Variants in NFILZ observed in about 807,000 individuals in gnomAD.
The protein encoded by NFILZ is NFIL3 like protein.
rs2043140909 is a variant in NFILZ at position 8,680,372 on chromosome 19, G to A, written c.*2737G>A. Among the ~76,000 whole-genome samples, 1 of 151,048 alleles carries A rather than the reference G, an allele frequency of 6.6e-6. No individual in the cohort carries two copies. The highest frequency in any genetic ancestry group is 6.6e-5 in the Admixed American group (1 of 15,166). On this transcript the variant is annotated 3_prime_UTR_variant, in exon 6 of 6. Transcript: ENST00000691075. ...ATTTAGCAAATTTTCTTGATCATAAGTTTCTCATTGTTTCATTTTATTCAA... is the reference window on the plus strand; with the variant it reads ...ATTTAGCAAATTTTCTTGATCATAAATTTCTCATTGTTTCATTTTATTCAA...
At chr19:8,645,584 A>G (rs543855644) in intron 3 of NFILZ, among the ~76,000 whole-genome samples, 6 of 152,314 alleles carry the variant, frequency 3.9e-5, no homozygotes, top group Admixed American at 3.3e-4. Flanking sequence ...AATGAGAGGC[A>G]AGGACATTTG....
At chr19:8,651,829 G>T (rs1333741998) in intron 3 of NFILZ, among the ~76,000 whole-genome samples, 1 of 152,036 alleles carries the variant, frequency 6.6e-6, no homozygotes, top group Admixed American at 6.6e-5. Flanking sequence ...CACTGTGCCC[G>T]GCCTCTAACT....
chr19:8,660,126 A>G (rs970930266), intron 3 of NFILZ, among the ~76,000 whole-genome samples: 3 of 152,106 alleles, frequency 2.0e-5, no homozygotes, highest in African/African-American at 7.2e-5. Context: ...CAGGCTTGGC[A>G]GGGTAGGCCC....
rs1300102894 is a variant in NFILZ at position 8,679,350 on chromosome 19, C to T, written c.*1715C>T. Among the ~76,000 whole-genome samples, 2 of 151,594 alleles carry T rather than the reference C, an allele frequency of 1.3e-5. No homozygotes were observed. The highest frequency in any genetic ancestry group is 4.9e-5 in the African/African-American group (2 of 41,176). On this transcript the variant is annotated 3_prime_UTR_variant, in exon 6 of 6. Coordinates refer to ENST00000691075, the MANE Select transcript of NFILZ (RefSeq NM_001378600.1). ...ATTCTAGATAAAAATACTCAAACTC[C>T]AATCATGGGGAGAGCTCATGGGATG...
At chr19:8,643,061 C>A (rs114529327) in intron 3 of NFILZ, among the ~76,000 whole-genome samples, 1,524 of 151,950 alleles carry the variant, frequency 0.01, 19 homozygotes, top group African/African-American at 0.034. Flanking sequence ...GCTCTCCCCC[C>A]ACCTCAGCCT....
At chr19:8,645,659 A>T (rs1555747015) in intron 3 of NFILZ, among the ~76,000 whole-genome samples, 2 of 152,116 alleles carry the variant, frequency 1.3e-5, no homozygotes, top group African/African-American at 4.8e-5. Context: ...GAGACCCTCG[A>T]GCTGGCCCTA....
At chr19:8,647,989 G>A (rs1190269999) in intron 3 of NFILZ, among the ~76,000 whole-genome samples, 3 of 151,500 alleles carry the variant, frequency 2.0e-5, no homozygotes, top group African/African-American at 2.4e-5. Flanking sequence ...TGGCTAACAC[G>A]GTGAAACCCC....
intron 3 of NFILZ, among the ~76,000 whole-genome samples, chr19:8,653,042 C>CTTTCTTTCTTTCTT (rs2042975704): frequency 2.1e-4 from 6 of 28,266 alleles, no homozygotes; most frequent in Admixed American, 4.0e-4. Context: ...CTTTCTTTCT[C>CTTTCTTTCTTTCTT]TCTCTCTCTC....
intron 3 of NFILZ, among the ~76,000 whole-genome samples, chr19:8,644,165 G>A (rs10413475): frequency 0.012 from 1,855 of 152,154 alleles, 42 homozygotes; most frequent in African/African-American, 0.043. Flanking sequence ...CAGTGGTATG[G>A]TCTTGGCTCA....
intron 3 of NFILZ, among the ~76,000 whole-genome samples, chr19:8,674,149 A>C (rs548349996): frequency 1.5e-3 from 222 of 152,170 alleles, no homozygotes; most frequent in Non-Finnish European, 2.2e-3. Flanking sequence ...CTTATTTTTT[A>C]TTCTCCAAGC....
chr19:8,674,359 A>G (rs1047308842), intron 3 of NFILZ, among the ~76,000 whole-genome samples, 192 bp from the exon 4 acceptor site: 4 of 152,232 alleles, frequency 2.6e-5, no homozygotes, highest in South Asian at 4.2e-4. Context: ...CTTTTCCATG[A>G]GACTGGGAGA....
At chr19:8,649,063 A>G (rs1555747472) in intron 3 of NFILZ, among the ~76,000 whole-genome samples, 1 of 151,546 alleles carries the variant, frequency 6.6e-6, no homozygotes, top group East Asian at 1.9e-4. Context: ...CCTGGGCTCA[A>G]GTGATCCTTC....
intron 3 of NFILZ, among the ~76,000 whole-genome samples, chr19:8,647,748 AACACAC>A (rs138740763): frequency 8.2e-4 from 113 of 137,238 alleles, no homozygotes; most frequent in Non-Finnish European, 1.3e-3. Flanking sequence ...GGAGGGGAAC[AACACAC>A]ACACACACAC....
intron 3 of NFILZ, among the ~76,000 whole-genome samples, chr19:8,647,433 A>G (rs2042943513): frequency 6.6e-6 from 1 of 152,116 alleles, no homozygotes; most frequent in African/African-American, 2.4e-5. Context: ...TTAGCTGGGC[A>G]TGGTGGCAGG....
At chr19:8,672,375 G>A (rs2146172174) in intron 3 of NFILZ, among the ~76,000 whole-genome samples, 1 of 150,346 alleles carries the variant, frequency 6.7e-6, no homozygotes, top group East Asian at 2.0e-4. Flanking sequence ...AAAAATTCAT[G>A]TGTTTATTAG....
intron 4 of NFILZ, among the ~76,000 whole-genome samples, chr19:8,675,375 A>C (rs1243498124): frequency 6.6e-6 from 1 of 152,196 alleles, no homozygotes; most frequent in Non-Finnish European, 1.5e-5. Flanking sequence ...GTCTTCATGA[A>C]AACCAGTGTG....
At chr19:8,650,327 A>G (rs1036721248) in intron 3 of NFILZ, among the ~76,000 whole-genome samples, 7 of 152,016 alleles carry the variant, frequency 4.6e-5, no homozygotes, top group African/African-American at 1.7e-4. Flanking sequence ...AGCACATTGC[A>G]TGAGTGAGTT....
intron 2 of NFILZ, among the ~76,000 whole-genome samples, chr19:8,633,895 CTT>C (rs2042882187): frequency 1.5e-5 from 2 of 136,326 alleles, no homozygotes; most frequent in South Asian, 2.6e-4. Context: ...TCCTTCCTTC[CTT>C]CCTTCCTTCC....
At chr19:8,652,807 CCTT>C (rs1462100150) in intron 3 of NFILZ, among the ~76,000 whole-genome samples, 1 of 150,086 alleles carries the variant, frequency 6.7e-6, no homozygotes, top group South Asian at 2.1e-4. Context: ...TTCCCTCCCT[CCTT>C]CTCTCTCTCT....
Sources: allele counts gnomAD v4.1 joint callset (sites outside exome capture counted in the v4.1 genomes callset), GRCh38; gene constraint gnomAD v4.1.1; transcripts MANE v1.5; gene names NCBI Gene and HGNC (gene_info 2026-07-23, HGNC 2026-07-21).